BTG3: variants seen among roughly 807,000 people sequenced by gnomAD.
BTG3 encodes the protein protein BTG3.
A neutral mutation model predicts 25.8 loss-of-function variants in BTG3; 4 were observed. That is an observed-to-expected ratio of 0.16 (90% confidence interval 0.08 to 0.36). The LOEUF (loss-of-function observed/expected upper bound fraction) is 0.36, where lower values mean the gene tolerates loss of function less well. BTG3 is among the 10% of genes least tolerant of loss of function. The pLI, the probability that BTG3 is intolerant of heterozygous loss-of-function variation, is 1.00. For missense variants in BTG3, 201 were observed against 304.9 expected, an observed-to-expected ratio of 0.66 and a Z score of 2.54; for synonymous variants, 107 against 99.9, an observed-to-expected ratio of 1.07 and a Z score of -0.42.
At chr21:17,610,673 GTTA>G (rs1004142687) in intron 1 of BTG3, among the ~76,000 whole-genome samples, 19 of 152,160 alleles carry the variant, frequency 1.2e-4, no homozygotes, top group African/African-American at 4.1e-4. Flanking sequence ...GTAACCTGGA[GTTA>G]TTAAGATGCT....
At chr21:17,601,846 A>G (rs962730965) in intron 3 of BTG3, among the ~76,000 whole-genome samples, 1 of 152,220 alleles carries the variant, frequency 6.6e-6, no homozygotes, top group Non-Finnish European at 1.5e-5. Flanking sequence ...CCAAGGGCAA[A>G]TATCTAATGA....
intron 2 of BTG3, among the ~76,000 whole-genome samples, chr21:17,606,998 T>C (rs1444478637): frequency 6.6e-6 from 1 of 152,144 alleles, no homozygotes; most frequent in Non-Finnish European, 1.5e-5. Flanking sequence ...CTTACAAACA[T>C]TTTGTAAGAG....
At chr21:17,612,525 G>A (rs1329420926) in intron 1 of BTG3, 174 bp downstream of exon 1, 1 of 152,056 alleles carries the variant, frequency 6.6e-6, no homozygotes, top group African/African-American at 2.4e-5. Context: ...CCGCAGCCCC[G>A]CTCTGGCGCC....
chr21:17,604,736 A>G (rs1234765179), intron 3 of BTG3, 124 bp downstream of exon 3: 1 of 1,202,848 alleles, frequency 8.3e-7, no homozygotes, highest in Non-Finnish European at 1.1e-6. Flanking sequence ...TAAAATTTAC[A>G]TCTGAGAGAG....
Position 17,612,898 on chromosome 21 carries a change from G to C in BTG3, c.-208C>G, listed in dbSNP as rs1040989349. ...CTGGCGGGCGGACGAGCGCGCACAC[G>C]AGTGAGCGCAGCCCCAAAGCGGCGC... On this transcript the variant is annotated 5_prime_UTR_variant, in exon 1 of 5. Coordinates refer to ENST00000348354, the MANE Select transcript of BTG3 (RefSeq NM_006806.5). 253 of 152,066 alleles carry C rather than the reference G, an allele frequency of 1.7e-3. No individual in the cohort carries two copies. The highest frequency in any genetic ancestry group is 5.6e-3 in the African/African-American group (232 of 41,526). The allele number at this position is 152,066 out of a possible 1,614,324, so 9.4% of individuals were successfully genotyped here.
Position 17,600,307 on chromosome 21 carries a change from G to A in BTG3, c.312-1483C>T, listed in dbSNP as rs17760916. On this transcript the variant is annotated intron_variant, in intron 3 of 4. Transcript: ENST00000348354. Reference sequence around the variant, plus strand: ...ATCAGGACAAAGGATATTGTTAAGCGGTTCTTACAAAACACATACAGTTAG... The same window carrying A: ...ATCAGGACAAAGGATATTGTTAAGCAGTTCTTACAAAACACATACAGTTAG... Among the ~76,000 whole-genome samples the A allele has an allele frequency of 6.4e-3, 973 of 152,094 alleles. 58 individuals are homozygous for A. In the East Asian group the frequency reaches 0.13, roughly 21 times the overall value.
At chr21:17,609,463 C>T (rs17001906) in intron 1 of BTG3, among the ~76,000 whole-genome samples, 6,049 of 152,198 alleles carry the variant, frequency 0.04, 369 homozygotes, top group African/African-American at 0.14. Context: ...ATAAATGATA[C>T]GACATAGATG....
chr21:17,605,685 T>G (rs2061630528), intron 2 of BTG3, among the ~76,000 whole-genome samples: 1 of 152,204 alleles, frequency 6.6e-6, no homozygotes, highest in Non-Finnish European at 1.5e-5. Context: ...CCATCTTTTT[T>G]TAACCTATTA....
At chr21:17,607,714 G>C (rs1022710311) in intron 2 of BTG3, among the ~76,000 whole-genome samples, 1 of 152,124 alleles carries the variant, frequency 6.6e-6, no homozygotes, top group Non-Finnish European at 1.5e-5. Context: ...GGAAACTTTG[G>C]GGACATCAAT....
chr21:17,604,043 T>G (rs1214362509), intron 3 of BTG3: 5 of 985,196 alleles, frequency 5.1e-6, no homozygotes, highest in African/African-American at 1.8e-5. Context: ...TCAAAAAGAT[T>G]TCATACCTAG....
chr21:17,601,266 T>G (rs1254846932), intron 3 of BTG3, among the ~76,000 whole-genome samples: 2 of 152,224 alleles, frequency 1.3e-5, no homozygotes, highest in African/African-American at 4.8e-5. Context: ...GCAAGTCACT[T>G]AATTTCCCTA....
chr21:17,594,287 G>A lies in BTG3; in HGVS notation c.565C>T (p.Pro189Ser). The stretch of plus-strand genomic sequence containing the variant: ...CGATACATTCCTGGCTTTTTTCTGG[G>A]CAAAGGGTGCCACATTGGAAGAGGT... ...FPPLPMWHPL[P>S]RKKPGMYRGN... is the part of the protein sequence containing the mutation. Residue 189 changes from proline to serine, a missense_variant, in exon 5 of 5, where the codon CCC becomes TCC. Physicochemically the swap from Pro to Ser is moderately conservative, Grantham distance 74 (BLOSUM62 -1). Transcript: ENST00000348354. 1 of 1,613,068 alleles carries A rather than the reference G, an allele frequency of 6.2e-7. No individual in the cohort carries two copies. The highest frequency in any genetic ancestry group is 1.1e-5 in the South Asian group (1 of 91,034).
chr21:17,605,696 T>A (rs185735625), intron 2 of BTG3, among the ~76,000 whole-genome samples: 2 of 152,344 alleles, frequency 1.3e-5, no homozygotes, highest in Admixed American at 1.3e-4. Context: ...TAACCTATTA[T>A]ACGACATCTA....
intron 3 of BTG3, among the ~76,000 whole-genome samples, chr21:17,602,079 CA>C (rs1228138833): frequency 6.6e-6 from 1 of 151,218 alleles, no homozygotes; most frequent in African/African-American, 2.4e-5. Context: ...GATAAAACAT[CA>C]AGGCTAATTT....
intron 2 of BTG3, among the ~76,000 whole-genome samples, chr21:17,606,531 A>C (rs927593781): frequency 6.6e-6 from 1 of 152,164 alleles, no homozygotes; most frequent in Admixed American, 6.5e-5. Flanking sequence ...AAAAGCAGTT[A>C]AGGATAAAAA....
chr21:17,598,914 T>C, intron 3 of BTG3, 90 bp from the exon 4 acceptor site: 1 of 972,582 alleles, frequency 1.0e-6, no homozygotes. Context: ...GGACATGCCA[T>C]CAATACAAGG....
Position 17,598,602 on chromosome 21 carries a change from T to A in BTG3, c.519+15A>T, listed in dbSNP as rs768281316. Reference sequence around the variant, plus strand: ...CCTGCACATCCCTTTAAAACTGAGCTGTTTTCATGGTTACCTGGTACACAG... The same window carrying A: ...CCTGCACATCCCTTTAAAACTGAGCAGTTTTCATGGTTACCTGGTACACAG... On this transcript the variant is annotated intron_variant, in intron 4 of 4. Transcript: ENST00000348354. 6.2e-7 allele frequency: 1 copy of A among 1,609,834 alleles called. No homozygotes were observed. The highest frequency in any genetic ancestry group is 2.2e-5 in the East Asian group (1 of 44,860).
chr21:17,611,415 A>G (rs577055297), intron 1 of BTG3, among the ~76,000 whole-genome samples: 1 of 152,314 alleles, frequency 6.6e-6, no homozygotes, highest in South Asian at 2.1e-4. Flanking sequence ...AATAGAAAAG[A>G]AGGAAAGAAC....
intron 4 of BTG3, among the ~76,000 whole-genome samples, chr21:17,597,248 T>C (rs1200931307): frequency 1.3e-5 from 2 of 152,058 alleles, no homozygotes; most frequent in African/African-American, 4.8e-5. Flanking sequence ...TTGTAAAAAA[T>C]TAGCAGCAAT....
Sources: allele counts gnomAD v4.1 joint callset (sites outside exome capture counted in the v4.1 genomes callset), GRCh38; gene constraint gnomAD v4.1.1; transcripts MANE v1.5; gene names NCBI Gene and HGNC (gene_info 2026-07-23, HGNC 2026-07-21).